The following LRRK1 variants were observed in gnomAD, a reference collection of about 807,000 sequenced individuals.
LRRK1 encodes the protein leucine rich repeat kinase 1, also known as leucine-rich repeat serine/threonine-protein kinase 1.
LRRK1 carries 113 observed loss-of-function variants against 209.1 expected under a neutral mutation model. The observed-to-expected ratio is 0.54, with a 90% CI of 0.46 to 0.63. The LOEUF (loss-of-function observed/expected upper bound fraction) is 0.63. Among genes scored for constraint, LRRK1 ranks in the 30% least tolerant of loss-of-function variants. LRRK1 has a pLI of 0.00. For missense variants in LRRK1, 2,284 were observed against 2,632.2 expected (o/e 0.87, Z 2.89); for synonymous variants, 1,144 against 1,099.7 (o/e 1.04, Z -0.80).
In LRRK1 at chr15:101,069,253, T is replaced by C. The variant is rs1382061599; in HGVS notation, c.*405T>C. 6.4e-6 allele frequency: 1 copy of C among 156,440 alleles called. No homozygotes were observed. Among genetic ancestry groups the C allele is most frequent in the East Asian group, 1.9e-4 (1 of 5,344 alleles). 9.7% of individuals were successfully genotyped at this position (156,440 alleles called of 1,614,324 possible). On this transcript the variant is annotated 3_prime_UTR_variant, in exon 34 of 34. Transcript: ENST00000388948. ...TGGAATTACACTAGAGGCCCTCCGCTGGGAAGCACTTGAGGTAGGGCAGGA... is the reference window on the plus strand; with the variant it reads ...TGGAATTACACTAGAGGCCCTCCGCCGGGAAGCACTTGAGGTAGGGCAGGA...
intron 20 of LRRK1, among the ~76,000 whole-genome samples, chr15:101,045,350 C>T (rs1456201269): frequency 6.6e-6 from 1 of 152,232 alleles, no homozygotes; most frequent in Non-Finnish European, 1.5e-5. Flanking sequence ...GGTTTTCGGG[C>T]ACCCTTTTGG....
chr15:100,950,992 A>G (rs1201762769), intron 2 of LRRK1, among the ~76,000 whole-genome samples: 2 of 152,162 alleles, frequency 1.3e-5, no homozygotes, highest in Non-Finnish European at 2.9e-5. Context: ...AGTCCCAGCT[A>G]TTTGGGAGGC....
intron 2 of LRRK1, among the ~76,000 whole-genome samples, chr15:100,966,993 C>T (rs1396455481): frequency 6.6e-6 from 1 of 152,226 alleles, no homozygotes; most frequent in African/African-American, 2.4e-5. Flanking sequence ...GAGGCTACTT[C>T]ATACCTGCTT....
At chr15:101,061,580 G>A (rs1258395762) in intron 30 of LRRK1, among the ~76,000 whole-genome samples, 3 of 152,216 alleles carry the variant, frequency 2.0e-5, no homozygotes, top group South Asian at 4.1e-4. Context: ...CTAGGGACGT[G>A]CCTGTGTTTC....
At chr15:100,998,618 G>C (rs910948192) in intron 6 of LRRK1, among the ~76,000 whole-genome samples, 2 of 120,358 alleles carry the variant, frequency 1.7e-5, no homozygotes, top group African/African-American at 6.1e-5. Flanking sequence ...AGGTGGGTAG[G>C]TAGAAAATGG....
chr15:100,973,718 C>G (rs146102413), intron 2 of LRRK1, 86 bp from the exon 3 acceptor site: 69,352 of 1,199,106 alleles, frequency 0.058, 2,239 homozygotes, highest in South Asian at 0.069. Context: ...CGGGCCGCGC[C>G]GCCTCCTGCT....
chr15:101,005,106 C>G (rs2032880709), intron 6 of LRRK1, among the ~76,000 whole-genome samples: 1 of 152,272 alleles, frequency 6.6e-6, no homozygotes, highest in African/African-American at 2.4e-5. Context: ...GCAATCTGGA[C>G]ACCTTGATTC....
At chr15:100,991,240 G>A (rs2032143620) in intron 6 of LRRK1, among the ~76,000 whole-genome samples, 1 of 152,202 alleles carries the variant, frequency 6.6e-6, no homozygotes, top group Admixed American at 6.5e-5. Context: ...TATAGGCACT[G>A]CATTTAAGTT....
chr15:101,021,635 T>TG, intron 13 of LRRK1: 2 of 551,398 alleles, frequency 3.6e-6, no homozygotes, highest in Non-Finnish European at 3.2e-6. Flanking sequence ...TTCTAAGCCG[T>TG]GGGGATTTGC....
intron 1 of LRRK1, among the ~76,000 whole-genome samples, chr15:100,924,039 CG>C: frequency 6.6e-6 from 1 of 152,330 alleles, no homozygotes; most frequent in Admixed American, 6.5e-5. Context: ...CTTGGGATGA[CG>C]TGCTCACCTC....
At chr15:101,045,904 A>G (rs2035048228) in intron 20 of LRRK1, 77 bp from the exon 21 acceptor site, 1 of 1,273,556 alleles carries the variant, frequency 7.9e-7, no homozygotes, top group Non-Finnish European at 1.1e-6. Flanking sequence ...TCCCCAGATC[A>G]GGCCATCTGC....
At chr15:101,019,922 C>G (rs925937516) in intron 12 of LRRK1, among the ~76,000 whole-genome samples, 1 of 152,166 alleles carries the variant, frequency 6.6e-6, no homozygotes, top group African/African-American at 2.4e-5. Flanking sequence ...CCCGTGGAAA[C>G]AGCAAATTTG....
intron 30 of LRRK1, among the ~76,000 whole-genome samples, chr15:101,062,110 G>A (rs151166900): frequency 1.2e-3 from 189 of 152,328 alleles, no homozygotes; most frequent in Non-Finnish European, 1.6e-3. Flanking sequence ...TAGAATGGGC[G>A]AGAGCAAGGG....
In LRRK1 at chr15:101,066,225, G is replaced by T. The variant is rs927064317; in HGVS notation, c.5768+20G>T. On this transcript the variant is annotated intron_variant, in intron 32 of 33. Coordinates refer to ENST00000388948, the MANE Select transcript of LRRK1 (RefSeq NM_024652.6). ...CCCCAGGTACGTTTCCCGAGGTGAG[G>T]GCACCATCCAGGGCACGCCCACTGC... The T allele has an allele frequency of 1.3e-6, 2 of 1,586,452 alleles. No individual in the cohort carries two copies. The highest frequency in any genetic ancestry group is 1.7e-5 in the Admixed American group (1 of 59,022).
intron 29 of LRRK1, among the ~76,000 whole-genome samples, chr15:101,059,706 A>G (rs2036044815): frequency 6.6e-6 from 1 of 152,168 alleles, no homozygotes; most frequent in Non-Finnish European, 1.5e-5. Flanking sequence ...ATAAACACAA[A>G]TATCTCAGTT....
At chr15:101,032,868 T>G (rs1046638191) in intron 20 of LRRK1, among the ~76,000 whole-genome samples, 1 of 152,258 alleles carries the variant, frequency 6.6e-6, no homozygotes. Context: ...CTTATGCCAG[T>G]GCCAAACCCC....
intron 4 of LRRK1, among the ~76,000 whole-genome samples, chr15:100,986,847 A>G (rs1551467): frequency 0.35 from 52,631 of 152,086 alleles, 9,678 homozygotes; most frequent in East Asian, 0.51. Context: ...AGAAGCTTCC[A>G]AACTTTCAGA....
chr15:101,058,173 G>A, intron 29 of LRRK1, 32 bp downstream of exon 29: 1 of 1,607,852 alleles, frequency 6.2e-7, no homozygotes, highest in African/African-American at 1.3e-5. Flanking sequence ...TGCCCCCTTT[G>A]TATTTGGGGT....
At chr15:101,008,501 C>T (rs534267594) in intron 6 of LRRK1, among the ~76,000 whole-genome samples, 118 of 152,296 alleles carry the variant, frequency 7.7e-4, no homozygotes, top group Non-Finnish European at 1.2e-3. Context: ...CTCCTCTGTA[C>T]GTGGACAATC....
Sources: gnomAD v4.1 joint callset for allele counts (sites outside exome capture counted in the v4.1 genomes callset) on GRCh38, gnomAD v4.1.1 for gene constraint, MANE v1.5 for transcripts, NCBI Gene and HGNC (gene_info 2026-07-23, HGNC 2026-07-21) for gene names.